RUNX2: variants seen among roughly 807,000 people sequenced by gnomAD.
RUNX2 encodes RUNX family transcription factor 2.
A neutral mutation model predicts 51.7 loss-of-function variants in RUNX2; 10 were observed. The ratio of observed to expected loss-of-function variants is 0.19; its 90% CI spans 0.12 to 0.33. RUNX2 has a LOEUF of 0.33. Among genes scored for constraint, RUNX2 ranks in the 10% least tolerant of loss-of-function variants. RUNX2 has a pLI of 1.00. For missense variants in RUNX2, 562 were observed against 691.3 expected (o/e 0.81, Z 2.10); for synonymous variants, 276 against 273.6 (o/e 1.01, Z -0.09).
chr6:45,333,809 A>C (rs1230049690), intron 2 of RUNX2, among the ~76,000 whole-genome samples: 3 of 151,272 alleles, frequency 2.0e-5, no homozygotes, highest in African/African-American at 7.3e-5. Flanking sequence ...TATTCTTGTT[A>C]ATACTCATAA....
intron 2 of RUNX2, among the ~76,000 whole-genome samples, chr6:45,376,849 A>G (rs1018800432): frequency 2.0e-5 from 3 of 151,700 alleles, no homozygotes; most frequent in African/African-American, 7.3e-5. Flanking sequence ...CCTTCCAAAT[A>G]CATACATACA....
chr6:45,351,976 G>A (rs947958138), intron 2 of RUNX2, among the ~76,000 whole-genome samples: 1 of 151,974 alleles, frequency 6.6e-6, no homozygotes, highest in African/African-American at 2.4e-5. Flanking sequence ...TAATTCTACC[G>A]CTGACACAAC....
intron 2 of RUNX2, among the ~76,000 whole-genome samples, chr6:45,401,404 A>G (rs1797710156): frequency 6.6e-6 from 1 of 152,232 alleles, no homozygotes; most frequent in Non-Finnish European, 1.5e-5. Context: ...ACAAATATAC[A>G]TGTGAGGCTA....
chr6:45,415,132 C>A (rs145383693), intron 2 of RUNX2, among the ~76,000 whole-genome samples: 1 of 151,982 alleles, frequency 6.6e-6, no homozygotes, highest in Admixed American at 6.5e-5. Flanking sequence ...TCTTGGGGAT[C>A]AGAAAATGGA....
intron 5 of RUNX2, among the ~76,000 whole-genome samples, chr6:45,467,371 TC>T (rs778563854): frequency 6.4e-4 from 97 of 152,252 alleles, no homozygotes; most frequent in Non-Finnish European, 1.1e-3. Flanking sequence ...AACCTCTGCC[TC>T]CCGGGTTCAA....
intron 2 of RUNX2, among the ~76,000 whole-genome samples, chr6:45,407,931 A>G (rs1797871793): frequency 6.6e-6 from 1 of 152,188 alleles, no homozygotes; most frequent in African/African-American, 2.4e-5. Context: ...TCCTAAGTCC[A>G]TGAGTTTATA....
intron 2 of RUNX2, among the ~76,000 whole-genome samples, chr6:45,344,035 G>A (rs1790356163): frequency 6.6e-6 from 1 of 151,940 alleles, no homozygotes; most frequent in African/African-American, 2.4e-5. Context: ...ACTACTAATT[G>A]AATAAAACAG....
At chr6:45,435,372 T>C (rs1798653346) in intron 4 of RUNX2, among the ~76,000 whole-genome samples, 1 of 152,200 alleles carries the variant, frequency 6.6e-6, no homozygotes, top group Non-Finnish European at 1.5e-5. Flanking sequence ...TTTTTTTCTT[T>C]TTTGAGATGG....
At chr6:45,403,985 C>T (rs891205115) in intron 2 of RUNX2, among the ~76,000 whole-genome samples, 7 of 151,964 alleles carry the variant, frequency 4.6e-5, no homozygotes, top group East Asian at 1.9e-4. Context: ...GTAGGCCGGG[C>T]GCAGTGGCTC....
chr6:45,352,938 T>C (rs1419567737), intron 2 of RUNX2, among the ~76,000 whole-genome samples: 1 of 152,104 alleles, frequency 6.6e-6, no homozygotes, highest in Non-Finnish European at 1.5e-5. Context: ...CTGCATGATT[T>C]AAAATTGAGG....
At chr6:45,404,852 G>A (rs554585598) in intron 2 of RUNX2, among the ~76,000 whole-genome samples, 2 of 152,330 alleles carry the variant, frequency 1.3e-5, no homozygotes, top group African/African-American at 4.8e-5. Context: ...CGGTCAGATA[G>A]GCTATGAGTT....
At chr6:45,378,908 T>A (rs1454108277) in intron 2 of RUNX2, among the ~76,000 whole-genome samples, 3 of 152,216 alleles carry the variant, frequency 2.0e-5, no homozygotes, top group Non-Finnish European at 4.4e-5. Flanking sequence ...TTATCCATGC[T>A]CACCTTCACA....
At chr6:45,532,812 T>C (rs1801903464) in intron 7 of RUNX2, among the ~76,000 whole-genome samples, 1 of 152,126 alleles carries the variant, frequency 6.6e-6, no homozygotes, top group Non-Finnish European at 1.5e-5. Context: ...GATTTTGTCC[T>C]TGGCAGGCAG....
At chr6:45,522,397 C>T (rs1801533049) in intron 7 of RUNX2, among the ~76,000 whole-genome samples, 1 of 152,020 alleles carries the variant, frequency 6.6e-6, no homozygotes, top group Non-Finnish European at 1.5e-5. Flanking sequence ...TAATAATTCA[C>T]ATCCGTAACC....
At chr6:45,490,026 T>A (rs1042386516) in intron 5 of RUNX2, among the ~76,000 whole-genome samples, 19 of 152,170 alleles carry the variant, frequency 1.2e-4, no homozygotes, top group Non-Finnish European at 2.5e-4. Context: ...ATACCAGCAC[T>A]GATGGTGCCA....
intron 2 of RUNX2, among the ~76,000 whole-genome samples, chr6:45,339,106 T>C (rs942131923): frequency 6.6e-6 from 1 of 152,212 alleles, no homozygotes; most frequent in Non-Finnish European, 1.5e-5. Flanking sequence ...AAGATAGTTA[T>C]GGCCTTATTG....
chr6:45,345,240 T>C (rs1270288998), intron 2 of RUNX2, among the ~76,000 whole-genome samples: 1 of 152,212 alleles, frequency 6.6e-6, no homozygotes, highest in Non-Finnish European at 1.5e-5. Context: ...GTTCACTTGA[T>C]TGTTAAAGAC....
chr6:45,501,621 C>A (rs1201658184), intron 6 of RUNX2, among the ~76,000 whole-genome samples: 2 of 152,200 alleles, frequency 1.3e-5, no homozygotes, highest in African/African-American at 4.8e-5. Context: ...CACTTTCTGG[C>A]AGGCTTTTTA....
chr6:45,532,488 C>T (rs1019100553), intron 7 of RUNX2, among the ~76,000 whole-genome samples: 2 of 152,000 alleles, frequency 1.3e-5, no homozygotes, highest in African/African-American at 2.4e-5. Flanking sequence ...CCCACATCTC[C>T]AGTTGCTAGT....
Sources: gnomAD v4.1 joint callset for allele counts (sites outside exome capture counted in the v4.1 genomes callset) on GRCh38, gnomAD v4.1.1 for gene constraint, MANE v1.5 for transcripts, NCBI Gene and HGNC (gene_info 2026-07-23, HGNC 2026-07-21) for gene names.